The following TOB2 variants were observed in gnomAD, a reference collection of about 807,000 sequenced individuals.
TOB2 encodes protein Tob2.
Under a neutral mutation model 17.3 loss-of-function variants are expected in TOB2, and 3 were observed. The observed-to-expected ratio is 0.17, with a 90% CI of 0.08 to 0.45. The LOEUF (loss-of-function observed/expected upper bound fraction) is 0.45, where lower values mean the gene tolerates loss of function less well. Ranked by LOEUF, TOB2 falls within the 20% of genes least tolerant of loss-of-function variation. The pLI is 0.99. For synonymous variants in TOB2, 163 were observed against 185.6 expected (o/e 0.88, Z 0.99); for missense variants, 407 against 445.7 (o/e 0.91, Z 0.78).
At chr22:41,440,539 C>G (rs1158516839) in intron 1 of TOB2, among the ~76,000 whole-genome samples, 2 of 150,748 alleles carry the variant, frequency 1.3e-5, no homozygotes, top group South Asian at 4.2e-4. Flanking sequence ...CTCCAAGTAG[C>G]TGGGACTACA....
chr22:41,439,459 G>T (rs957729029), intron 1 of TOB2, among the ~76,000 whole-genome samples: 1 of 151,720 alleles, frequency 6.6e-6, no homozygotes, highest in African/African-American at 2.4e-5. Flanking sequence ...CTCTTAAGGG[G>T]CATTTAATTT....
chr22:41,444,535 C>CTACA (rs1294335105), intron 1 of TOB2, among the ~76,000 whole-genome samples: 1 of 152,252 alleles, frequency 6.6e-6, no homozygotes, highest in Admixed American at 6.5e-5. Context: ...TCCCTGCACA[C>CTACA]TACACTTCCC....
chr22:41,441,974 C>G (rs917394839), intron 1 of TOB2, among the ~76,000 whole-genome samples: 3 of 150,986 alleles, frequency 2.0e-5, no homozygotes, highest in Admixed American at 1.3e-4. Context: ...TGCCTATAAT[C>G]CCACTACTCC....
At chr22:41,438,335 T>C (rs1259388550) in intron 1 of TOB2, among the ~76,000 whole-genome samples, 1 of 151,920 alleles carries the variant, frequency 6.6e-6, no homozygotes, top group Non-Finnish European at 1.5e-5. Context: ...GCAGAACTGA[T>C]TTAAGAACTC....
Position 41,436,320 on chromosome 22 carries a change from C to T in TOB2, c.1026G>A (p.Leu342=), listed in dbSNP as rs1235805692. 1.3e-6 allele frequency: 2 copies of T among 1,569,198 alleles called. No homozygotes were observed. Among genetic ancestry groups the T allele is most frequent in the South Asian group, 1.2e-5 (1 of 84,478 alleles). ...YPSQQFQPVV[L]AN is the part of the protein sequence containing the mutation. ...ACGGGCAGGTAGATGGTCAGTTGGCCAGCACCACGGGCTGGAACTGCTGGC... is the reference window on the plus strand; with the variant it reads ...ACGGGCAGGTAGATGGTCAGTTGGCTAGCACCACGGGCTGGAACTGCTGGC... The change falls in exon 2 of 2, where the codon CTG becomes CTA. Residue 342 remains leucine (L), a synonymous_variant. Coordinates refer to ENST00000327492, the MANE Select transcript of TOB2 (RefSeq NM_016272.4). This position sits in a 1 kb window ranked among gnomAD's most constrained non-coding sequence, Gnocchi z 4.8.
At chr22:41,445,950 C>T (rs2037680541) in intron 1 of TOB2, among the ~76,000 whole-genome samples, 1 of 152,210 alleles carries the variant, frequency 6.6e-6, no homozygotes, top group Admixed American at 6.5e-5. Context: ...CCCCCCTTCC[C>T]TGCACACGGG....
chr22:41,443,322 AT>A (rs71736771), intron 1 of TOB2, among the ~76,000 whole-genome samples: 3,445 of 152,042 alleles, frequency 0.023, 59 homozygotes, highest in Non-Finnish European at 0.031. Context: ...GCGAAGGAAG[AT>A]TTTTTTCCCC....
chr22:41,440,755 C>T (rs538264314), intron 1 of TOB2, among the ~76,000 whole-genome samples: 6 of 152,056 alleles, frequency 3.9e-5, no homozygotes, highest in Admixed American at 3.9e-4. Flanking sequence ...TTAGTACACA[C>T]GGGGTTTCAT....
In TOB2 at chr22:41,436,203, A is replaced by G; in HGVS notation, c.*108T>C. Reference sequence around the variant, plus strand: ...GATCTTTTTTCTAGAAGTAAGAGTGAGAAGATCGAAAATCTTTTTGTACAT... The same window carrying G: ...GATCTTTTTTCTAGAAGTAAGAGTGGGAAGATCGAAAATCTTTTTGTACAT... On this transcript the variant is annotated 3_prime_UTR_variant, in exon 2 of 2. Coordinates refer to ENST00000327492, the MANE Select transcript of TOB2 (RefSeq NM_016272.4). This position sits in a 1 kb window ranked among gnomAD's most constrained non-coding sequence, Gnocchi z 4.8. 1 of 1,377,108 alleles carries G rather than the reference A, an allele frequency of 7.3e-7. No individual in the cohort carries two copies. The highest frequency in any genetic ancestry group is 1.5e-5 in the African/African-American group (1 of 68,790). 85.3% of individuals were successfully genotyped at this position (1,377,108 alleles called of 1,614,324 possible). A position where few individuals can be genotyped will look rare whatever the true frequency, so the allele number is the denominator to read the frequency against.
In TOB2 at chr22:41,441,895, T is replaced by C. The variant is rs1428131188; in HGVS notation, c.-63+4484A>G. Among the ~76,000 whole-genome samples the C allele has an allele frequency of 2.1e-5, 3 of 144,044 alleles. No homozygotes were observed. In the East Asian group the frequency reaches 6.0e-4, roughly 29 times the overall value. 94.5% of individuals were successfully genotyped at this position (144,044 alleles called of 152,430 possible). A position where few individuals can be genotyped will look rare whatever the true frequency, so the allele number is the denominator to read the frequency against. On this transcript the variant is annotated intron_variant, in intron 1 of 1. Coordinates refer to ENST00000327492, the MANE Select transcript of TOB2 (RefSeq NM_016272.4). ...CACTGCACTCCAGCCTGGGCAAGAGTGATTTTTCTCAAAAAAAAAAAAAAG... is the reference window on the plus strand; with the variant it reads ...CACTGCACTCCAGCCTGGGCAAGAGCGATTTTTCTCAAAAAAAAAAAAAAG...
Position 41,441,767 on chromosome 22 carries a change from C to T in TOB2, c.-62-4360G>A, listed in dbSNP as rs551617638. 2.5e-3 allele frequency among the ~76,000 whole-genome samples: 386 copies of T among 151,952 alleles called. 3 individuals carry two copies. The highest frequency in any genetic ancestry group is 3.1e-3 in the Non-Finnish European group (208 of 67,934). ...TCTCTACTAAAAATAAAAAATTAGC[C>T]GGGTGTGGTGGCACACGCCTGTAAC... On this transcript the variant is annotated intron_variant, in intron 1 of 1. Transcript: ENST00000327492.
rs760111830 is a variant in TOB2, at chr22:41,436,990, C to A, written c.356G>T (p.Gly119Val). The A allele has an allele frequency of 2.5e-6, 4 of 1,614,148 alleles. No individual in the cohort carries two copies. The East Asian group carries it at 8.9e-5, about 36-fold the overall frequency. Residue 119 changes from glycine (G) to valine (V), a missense_variant, in exon 2 of 2, where the codon GGT becomes GTT. Transcript: ENST00000327492. The surrounding 1 kb of genome is among the most constrained non-coding windows in gnomAD (Gnocchi z 4.8). The stretch of plus-strand genomic sequence containing the variant: ...CTTGTCCAGCTCTGGGGCACCGCAA[C>A]CCTCACTGTCATCCAGGTACAGCAC... ...VKVLYLDDSEGCGAPELDKEI... is the reference protein window; with the variant it reads ...VKVLYLDDSEVCGAPELDKEI...
Position 41,437,235 on chromosome 22 carries a change from T to C in TOB2, c.111A>G (p.Lys37=). ...GGTACCAGTGGCCTTCATATTTCTT[T>C]TTCAAAAGCCGCTCTAGCTCCTCCC... is the stretch of plus-strand genomic sequence containing the variant. ...LFGEELERLL[K]KKYEGHWYPE... Residue 37 remains lysine, a synonymous_variant, in exon 2 of 2, where the codon AAA becomes AAG. Coordinates refer to ENST00000327492, the MANE Select transcript of TOB2 (RefSeq NM_016272.4). 6.2e-7 allele frequency: 1 copy of C among 1,614,082 alleles called. No individual in the cohort carries two copies. The highest frequency in any genetic ancestry group is 8.5e-7 in the Non-Finnish European group (1 of 1,180,020).
Position 41,437,170 on chromosome 22 carries a change from T to C in TOB2, c.176A>G (p.His59Arg). The C allele has an allele frequency of 1.2e-6, 2 of 1,614,200 alleles. No homozygotes were observed. Among genetic ancestry groups the C allele is most frequent in the Non-Finnish European group, 1.7e-6 (2 of 1,180,036 alleles). Residue 59 changes from histidine (H) to arginine (R), a missense_variant, in exon 2 of 2, where the codon CAC (histidine) becomes CGC (arginine). Transcript: ENST00000327492. ...CACGGGGTCCACCATCTCCCCAATG[T>C]GAACACAGCGGAAGCCAGAGCCTTT... ...PLKGSGFRCV[H>R]IGEMVDPVVE...
rs559913996 is a variant in TOB2 at position 41,436,433 on chromosome 22, A to C, written c.913T>G (p.Phe305Val). ...NSSSFDMAQV[F>V]GGGANSLFLE... ...AAGAGGCTGTTGGCACCACCTCCAA[A>C]TACCTGGGCCATGTCAAAGCTGCTG... is the stretch of plus-strand genomic sequence containing the variant. The change falls in exon 2 of 2, where the codon TTT becomes GTT. Residue 305 changes from phenylalanine to valine, a missense_variant. By Grantham distance (50) the Phe-to-Val change is conservative (BLOSUM62 -1). Coordinates refer to ENST00000327492, the MANE Select transcript of TOB2 (RefSeq NM_016272.4). The surrounding 1 kb of genome is among the most constrained non-coding windows in gnomAD (Gnocchi z 4.8). The C allele has an allele frequency of 6.2e-7, 1 of 1,614,144 alleles. No individual in the cohort carries two copies. Among genetic ancestry groups the C allele is most frequent in the East Asian group, 2.2e-5 (1 of 44,882 alleles).
rs768271797 is a variant in TOB2 at position 41,437,211 on chromosome 22, G to A, written c.135C>T (p.Tyr45=). ...LLKKKYEGHW[Y]PEKPLKGSGF... is the part of the protein sequence containing the mutation. ...CAGAGCCTTTCAGTGGCTTCTCAGG[G>A]TACCAGTGGCCTTCATATTTCTTTT... The change falls in exon 2 of 2, where the codon TAC becomes TAT. Residue 45 remains tyrosine (Y), a synonymous_variant. Transcript: ENST00000327492. 6.2e-7 allele frequency: 1 copy of A among 1,614,118 alleles called. No homozygotes were observed. The highest frequency in any genetic ancestry group is 8.5e-7 in the Non-Finnish European group (1 of 1,180,020).
At chr22:41,442,976 T>C (rs1343225195) in intron 1 of TOB2, among the ~76,000 whole-genome samples, 4 of 152,200 alleles carry the variant, frequency 2.6e-5, no homozygotes, top group Non-Finnish European at 2.9e-5. Flanking sequence ...AGAATAAAAA[T>C]GGTGAGGTGT....
intron 1 of TOB2, among the ~76,000 whole-genome samples, chr22:41,441,491 G>A (rs1223253595): frequency 6.6e-6 from 1 of 151,460 alleles, no homozygotes; most frequent in Non-Finnish European, 1.5e-5. Flanking sequence ...CTAAAAAGTT[G>A]TGAAGAGCCA....
chr22:41,436,070 T>A lies in TOB2; in HGVS notation c.*241A>T. On this transcript the variant is annotated 3_prime_UTR_variant, in exon 2 of 2. Coordinates refer to ENST00000327492, the MANE Select transcript of TOB2 (RefSeq NM_016272.4). The surrounding 1 kb of genome is among the most constrained non-coding windows in gnomAD (Gnocchi z 4.8). ...GAAAAAAAAAAAAGAAAAAGAAATA[T>A]AAAACCCAAACCAACCAAATAAATC... is the stretch of plus-strand genomic sequence containing the variant. 1 of 415,590 alleles carries A rather than the reference T, an allele frequency of 2.4e-6. No homozygotes were observed. Among genetic ancestry groups the A allele is most frequent in the Admixed American group, 4.0e-5 (1 of 25,208 alleles). 25.7% of individuals were successfully genotyped at this position (415,590 alleles called of 1,614,324 possible).
Sources: allele counts gnomAD v4.1 joint callset (sites outside exome capture counted in the v4.1 genomes callset), GRCh38; gene constraint gnomAD v4.1.1; non-coding constraint Gnocchi (gnomAD v3.1); transcripts MANE v1.5; gene names NCBI Gene and HGNC (gene_info 2026-07-23, HGNC 2026-07-21).